The following BCO2 variants were observed in gnomAD, a reference collection of about 807,000 sequenced individuals.
The protein encoded by BCO2 is carotenoid-cleaving dioxygenase, mitochondrial.
In BCO2, 56 loss-of-function variants were observed where a neutral mutation model predicts 65.8. That is an observed-to-expected ratio of 0.85 (90% confidence interval 0.69 to 1.06). The LOEUF (loss-of-function observed/expected upper bound fraction) is 1.06, where lower values mean the gene tolerates loss of function less well. Ranked by LOEUF, BCO2 falls within the 50% of genes least tolerant of loss-of-function variation. BCO2 has a pLI of 0.00. For synonymous variants in BCO2, 233 were observed against 242.3 expected (o/e 0.96, Z 0.36); for missense variants, 675 against 698.5 (o/e 0.97, Z 0.38).
At chr11:112,176,524 G>GC (rs1866889340) in intron 1 of BCO2, 1 of 130,334 alleles carries the variant, frequency 7.7e-6, no homozygotes, top group Admixed American at 7.7e-5. Context: ...TGGCGGGGGG[G>GC]GGGGAATTAA....
At chr11:112,197,243 C>T (rs997359749) in intron 5 of BCO2, among the ~76,000 whole-genome samples, 1 of 152,084 alleles carries the variant, frequency 6.6e-6, no homozygotes, top group African/African-American at 2.4e-5. Context: ...TCTCTTACAT[C>T]AGTTGATCAA....
intron 2 of BCO2, among the ~76,000 whole-genome samples, chr11:112,182,711 G>A (rs531190844): frequency 6.6e-6 from 1 of 151,672 alleles, no homozygotes; most frequent in South Asian, 2.1e-4. Context: ...CATGGGGTGG[G>A]GGGAGCACGG....
intron 8 of BCO2, among the ~76,000 whole-genome samples, chr11:112,207,062 C>A (rs961024262): frequency 6.6e-6 from 1 of 152,118 alleles, no homozygotes; most frequent in Non-Finnish European, 1.5e-5. Flanking sequence ...CTTATTAGTT[C>A]AAATAGTTGA....
chr11:112,194,353 A>C (rs1294935919), intron 4 of BCO2: 1 of 409,266 alleles, frequency 2.4e-6, no homozygotes, highest in East Asian at 5.5e-5. Flanking sequence ...TTAAAAAGAA[A>C]ATTTTAGACT....
Position 112,179,367 on chromosome 11 carries a change from A to G in BCO2, c.178A>G (p.Thr60Ala). 2 of 1,614,222 alleles carry G rather than the reference A, an allele frequency of 1.2e-6. No homozygotes were observed. Among genetic ancestry groups the G allele is most frequent in the Non-Finnish European group, 8.5e-7 (1 of 1,180,048 alleles). ...GLPCVAPLLT[T>A]VEEAPRGISA... ...GCCATGTGTTGCACCGCTGCTGACC[A>G]CAGTGGAAGAGGCTCCACGGGGCAT... is the stretch of plus-strand genomic sequence containing the variant. Residue 60 changes from threonine (T) to alanine (A), a missense_variant, in exon 2 of 12, where the codon ACA (threonine) becomes GCA (alanine). Physicochemically the swap from Thr to Ala is moderately conservative, Grantham distance 58. Coordinates refer to ENST00000357685, the MANE Select transcript of BCO2 (RefSeq NM_031938.7).
chr11:112,196,915 T>TCCCTTCCCTTC (rs1555195364), intron 5 of BCO2, among the ~76,000 whole-genome samples: 1 of 124,280 alleles, frequency 8.0e-6, no homozygotes, highest in African/African-American at 3.3e-5. Flanking sequence ...TTCCTTTCCT[T>TCCCTTCCCTTC]CCTTCCCTTC....
At chr11:112,193,822 CT>C (rs1867476770) in intron 3 of BCO2, 56 bp from the exon 4 acceptor site, 5 of 1,459,572 alleles carry the variant, frequency 3.4e-6, no homozygotes, top group Admixed American at 1.7e-5. Context: ...TGAGTGTGTG[CT>C]TAGCGTCGTC....
intron 2 of BCO2, among the ~76,000 whole-genome samples, chr11:112,182,235 A>G (rs1867071647): frequency 6.6e-6 from 1 of 152,124 alleles, no homozygotes; most frequent in East Asian, 1.9e-4. Flanking sequence ...AAATAGGAAC[A>G]CTTTTACACT....
At chr11:112,179,224 G>A (rs1371373196) in intron 1 of BCO2, 54 bp from the exon 2 acceptor site, 1 of 1,549,004 alleles carries the variant, frequency 6.5e-7, no homozygotes. Flanking sequence ...AAACAGGCAA[G>A]TTTATAGAAG....
Position 112,214,755 on chromosome 11 carries a change from C to G in BCO2, c.1333-7C>G. 1 of 1,610,816 alleles carries G rather than the reference C, an allele frequency of 6.2e-7. No individual in the cohort carries two copies. The highest frequency in any genetic ancestry group is 8.5e-7 in the Non-Finnish European group (1 of 1,177,450). ...ACCACTACAAATCCTTTTGAAATCT[C>G]TTTTAGATCTGGTGCTCTCATGAAA... On this transcript the variant is annotated splice_region_variant and splice_polypyrimidine_tract_variant and intron_variant, in intron 9 of 11. Transcript: ENST00000357685.
intron 8 of BCO2, among the ~76,000 whole-genome samples, chr11:112,206,423 T>C (rs1859341831): frequency 6.6e-6 from 1 of 152,176 alleles, no homozygotes; most frequent in African/African-American, 2.4e-5. Context: ...CATTTTTTAA[T>C]TGGGTTATTT....
In BCO2 at chr11:112,217,763, TGAAA is replaced by T. The variant is rs1453335221; in HGVS notation, c.1631_1634del (p.Glu544AlafsTer5). On this transcript the variant is annotated frameshift_variant, in exon 12 of 12. Coordinates refer to ENST00000357685, the MANE Select transcript of BCO2 (RefSeq NM_031938.7). LOFTEE classifies it high-confidence loss of function. ...CAATATTGTCTTTTCTTTTCTAGAATGAAAGCAATTTTATCCTAGTTTTGGATGC... is the reference window on the plus strand; with the variant it reads ...CAATATTGTCTTTTCTTTTCTAGAATGCAATTTTATCCTAGTTTTGGATGC... 1 of 1,607,322 alleles carries T rather than the reference TGAAA, an allele frequency of 6.2e-7. No homozygotes were observed. The highest frequency in any genetic ancestry group is 8.5e-7 in the Non-Finnish European group (1 of 1,175,320).
At chr11:112,193,830 C>T (rs781171153) in intron 3 of BCO2, 49 bp from the exon 4 acceptor site, 46 of 1,445,356 alleles carry the variant, frequency 3.2e-5, no homozygotes, top group Non-Finnish European at 3.8e-5. Context: ...TGCTTAGCGT[C>T]GTCTACAGTA....
intron 8 of BCO2, among the ~76,000 whole-genome samples, chr11:112,202,545 G>A (rs1419128508): frequency 6.6e-6 from 1 of 152,060 alleles, no homozygotes. Context: ...GCCTCCCAAA[G>A]TCTTGGGATT....
intron 5 of BCO2, among the ~76,000 whole-genome samples, chr11:112,197,456 G>A (rs1205445907): frequency 1.3e-5 from 2 of 151,942 alleles, no homozygotes; most frequent in African/African-American, 4.8e-5. Context: ...GATGAGGTGG[G>A]AGGATCACTT....
rs891645155 is a variant in BCO2, at chr11:112,217,781, A to C, written c.1647A>C (p.Leu549=). 6.2e-7 allele frequency: 1 copy of C among 1,612,462 alleles called. No individual in the cohort carries two copies. The highest frequency in any genetic ancestry group is 1.3e-5 in the African/African-American group (1 of 74,770). The change falls in exon 12 of 12, where the codon CTA becomes CTC. Residue 549 remains leucine (L), a synonymous_variant. Coordinates refer to ENST00000357685, the MANE Select transcript of BCO2 (RefSeq NM_031938.7). ...TCTAGAATGAAAGCAATTTTATCCT[A>C]GTTTTGGATGCCAAGAACTTTGAAG... ...TPNQNESNFI[L]VLDAKNFEEL...
chr11:112,205,368 A>G (rs746396521), intron 8 of BCO2, among the ~76,000 whole-genome samples: 4 of 152,182 alleles, frequency 2.6e-5, no homozygotes, highest in Non-Finnish European at 4.4e-5. Flanking sequence ...GAGGTTTTAT[A>G]TAGTGGTTTT....
chr11:112,181,184 T>C lies in BCO2; in HGVS notation c.293+1702T>C, dbSNP rs868585652. 2.4e-3 allele frequency: 1,846 copies of C among 779,496 alleles called. 22 individuals are homozygous for C. The African/African-American group carries it at 0.03, about 13-fold the overall frequency. 48.3% of individuals were successfully genotyped at this position (779,496 alleles called of 1,614,324 possible). A position where few individuals can be genotyped will look rare whatever the true frequency, so the allele number is the denominator to read the frequency against. ...GCAAGATGATAGAGGAGCTTTCTTTTTTTTTTTTTTTTTTTGAGACGGAGT... is the reference window on the plus strand; with the variant it reads ...GCAAGATGATAGAGGAGCTTTCTTTCTTTTTTTTTTTTTTTGAGACGGAGT... On this transcript the variant is annotated intron_variant, in intron 2 of 11. Transcript: ENST00000357685.
intron 5 of BCO2, among the ~76,000 whole-genome samples, chr11:112,197,250 T>C (rs1044435408): frequency 3.9e-5 from 6 of 152,148 alleles, no homozygotes; most frequent in African/African-American, 1.4e-4. Context: ...CATCAGTTGA[T>C]CAAAAAGTAA....
Sources: gnomAD v4.1 joint callset for allele counts (sites outside exome capture counted in the v4.1 genomes callset) on GRCh38, gnomAD v4.1.1 for gene constraint, MANE v1.5 for transcripts, NCBI Gene and HGNC (gene_info 2026-07-23, HGNC 2026-07-21) for gene names.